MTCL2: variants seen among roughly 807,000 people sequenced by gnomAD.
MTCL2 encodes microtubule cross-linking factor 2.
At chr20:36,851,168 G>A in the MTCL2 span, among the ~76,000 whole-genome samples, 33 of 151,870 alleles carry the variant, frequency 2.2e-4, no homozygotes, top group African/African-American at 7.5e-4. Context: ...TCATTTTATT[G>A]TATGTATTTG....
At chr20:36,795,917 T>C in the MTCL2 span, among the ~76,000 whole-genome samples, 6 of 152,182 alleles carry the variant, frequency 3.9e-5, no homozygotes, top group African/African-American at 7.2e-5. Flanking sequence ...CCCAGCCTCC[T>C]TGTGGTGGGA....
the MTCL2 span, chr20:36,805,891 T>C: frequency 6.2e-7 from 1 of 1,613,652 alleles, no homozygotes; most frequent in Non-Finnish European, 8.5e-7. Context: ...CAGGCCTTGT[T>C]ATCAGAATGC....
chr20:36,855,172 G>A, the MTCL2 span, among the ~76,000 whole-genome samples: 2 of 152,220 alleles, frequency 1.3e-5, no homozygotes, highest in Non-Finnish European at 2.9e-5. Flanking sequence ...TGGCTAATGG[G>A]ACCCACACCT....
the MTCL2 span, among the ~76,000 whole-genome samples, chr20:36,842,395 C>T: frequency 6.6e-6 from 1 of 152,188 alleles, no homozygotes; most frequent in Non-Finnish European, 1.5e-5. Flanking sequence ...ATGTCTCATA[C>T]AAATGTGAAA....
the MTCL2 span, chr20:36,794,576 G>A: frequency 7.4e-6 from 12 of 1,613,912 alleles, no homozygotes; most frequent in Admixed American, 6.7e-5. The surrounding 1 kb of genome is among the most constrained non-coding windows in gnomAD (Gnocchi z 5.4). Context: ...TTCAAACTCA[G>A]ACATGGAAGA....
chr20:36,833,748 A>G, the MTCL2 span, among the ~76,000 whole-genome samples: 1 of 152,196 alleles, frequency 6.6e-6, no homozygotes, highest in Admixed American at 6.5e-5. Context: ...CTACTCAGGA[A>G]GCTGAGACAG....
At chr20:36,829,011 C>T in the MTCL2 span, 1 of 1,489,320 alleles carries the variant, frequency 6.7e-7, no homozygotes, top group Admixed American at 2.2e-5. Context: ...TGCATGTGCC[C>T]ACCTGCCCTA....
At chr20:36,810,742 C>CTCTCTCTCTCTT in the MTCL2 span, among the ~76,000 whole-genome samples, 1 of 150,710 alleles carries the variant, frequency 6.6e-6, no homozygotes, top group Non-Finnish European at 1.5e-5. Flanking sequence ...CTCTCTCTCT[C>CTCTCTCTCTCTT]TCTCTCTCTC....
the MTCL2 span, among the ~76,000 whole-genome samples, chr20:36,820,136 T>A: frequency 2.0e-5 from 3 of 152,170 alleles, no homozygotes; most frequent in Non-Finnish European, 4.4e-5. Context: ...GGAGTTGAAC[T>A]CTGGGGCCCT....
the MTCL2 span, among the ~76,000 whole-genome samples, chr20:36,788,782 C>A: frequency 6.6e-6 from 1 of 150,982 alleles, no homozygotes; most frequent in East Asian, 1.9e-4. Context: ...TCCCCTCTCT[C>A]TTTTTTTCTT....
chr20:36,854,702 A>C, the MTCL2 span, among the ~76,000 whole-genome samples: 1 of 152,178 alleles, frequency 6.6e-6, no homozygotes, highest in Admixed American at 6.5e-5. Context: ...CCCCAACCAG[A>C]GTAAAGATGT....
the MTCL2 span, among the ~76,000 whole-genome samples, chr20:36,841,286 T>C: frequency 4.0e-5 from 6 of 150,946 alleles, no homozygotes; most frequent in South Asian, 4.2e-4. Context: ...TGAGCCGAGA[T>C]TGCACCATTG....
the MTCL2 span, among the ~76,000 whole-genome samples, chr20:36,847,581 G>A: frequency 3.3e-5 from 5 of 152,120 alleles, no homozygotes; most frequent in Non-Finnish European, 5.9e-5. Flanking sequence ...GGCCAGGCGC[G>A]GTGGCTCACG....
chr20:36,847,868 A>C, the MTCL2 span, among the ~76,000 whole-genome samples: 1 of 151,798 alleles, frequency 6.6e-6, no homozygotes, highest in East Asian at 1.9e-4. Flanking sequence ...AAAAAAAAAA[A>C]AAAAAGAGTA....
At chr20:36,831,956 A>C in the MTCL2 span, among the ~76,000 whole-genome samples, 1 of 151,946 alleles carries the variant, frequency 6.6e-6, no homozygotes, top group Non-Finnish European at 1.5e-5. Context: ...TCACTCACTC[A>C]CTCATCCTGC....
chr20:36,804,022 T>C, the MTCL2 span, among the ~76,000 whole-genome samples: 2 of 149,050 alleles, frequency 1.3e-5, no homozygotes, highest in Non-Finnish European at 3.0e-5. Flanking sequence ...GGTTAGAGGT[T>C]TGGGGGAGCA....
chr20:36,854,470 C>T, the MTCL2 span, among the ~76,000 whole-genome samples: 2 of 152,034 alleles, frequency 1.3e-5, no homozygotes, highest in Non-Finnish European at 2.9e-5. Flanking sequence ...GGGAAGGAGC[C>T]GGGAACTGCA....
chr20:36,832,080 G>A, the MTCL2 span, among the ~76,000 whole-genome samples: 1 of 152,234 alleles, frequency 6.6e-6, no homozygotes, highest in Non-Finnish European at 1.5e-5. Flanking sequence ...CACACTAAGT[G>A]CCTAATAAAT....
chr20:36,837,521 G>T, the MTCL2 span, among the ~76,000 whole-genome samples: 1 of 150,858 alleles, frequency 6.6e-6, no homozygotes, highest in Non-Finnish European at 1.5e-5. Context: ...TAACATTTTT[G>T]AGTCCTTATG....
Sources: allele counts gnomAD v4.1 joint callset (sites outside exome capture counted in the v4.1 genomes callset), GRCh38; gene constraint gnomAD v4.1.1; non-coding constraint Gnocchi (gnomAD v3.1); transcripts MANE v1.5; gene names NCBI Gene and HGNC (gene_info 2026-07-23, HGNC 2026-07-21).